Variants in DTNA observed in about 807,000 individuals in gnomAD.
DTNA encodes the protein dystrobrevin alpha, also known as dystrophin-related protein 3.
DTNA carries 43 observed loss-of-function variants against 100.7 expected under a neutral mutation model. That is an observed-to-expected ratio of 0.43 (90% CI 0.33 to 0.55). The LOEUF (loss-of-function observed/expected upper bound fraction) is 0.55. DTNA is among the 20% of genes least tolerant of loss of function. The probability of loss-of-function intolerance (pLI) is 0.04; values close to 1 mark genes in which losing one functional copy is unlikely to be tolerated. For missense variants in DTNA, 798 were observed against 953.9 expected (o/e 0.84, Z 2.15); for synonymous variants, 349 against 347.9 (o/e 1.00, Z -0.04).
Position 34,868,927 on chromosome 18 carries a change from G to A in DTNA, c.1743+4865G>A, listed in dbSNP as rs534779402. ...TGAAGGCAGCTGGGGTATAATTGCAGTACCAATATGTTCCAGAGTTTCTGG... is the reference window on the plus strand; with the variant it reads ...TGAAGGCAGCTGGGGTATAATTGCAATACCAATATGTTCCAGAGTTTCTGG... On this transcript the variant is annotated intron_variant, in intron 17 of 22. Coordinates refer to ENST00000444659, the MANE Select transcript of DTNA (RefSeq NM_001386795.1). 2.2e-5 allele frequency: 6 copies of A among 273,900 alleles called. No individual in the cohort carries two copies. In the South Asian group the frequency reaches 5.6e-4, roughly 26 times the overall value. 17.0% of individuals were successfully genotyped at this position (273,900 alleles called of 1,614,324 possible).
At chr18:34,786,430 C>T (rs1005301139) in intron 3 of DTNA, among the ~76,000 whole-genome samples, 5 of 152,098 alleles carry the variant, frequency 3.3e-5, no homozygotes, top group Non-Finnish European at 7.4e-5. Context: ...AGGAAATTTA[C>T]ATCTAGGGAG....
At chr18:34,610,648 G>T (rs575832014) in intron 1 of DTNA, among the ~76,000 whole-genome samples, 1 of 152,204 alleles carries the variant, frequency 6.6e-6, no homozygotes, top group African/African-American at 2.4e-5. Context: ...TAAGAAAACT[G>T]TGATAAATCC....
chr18:34,620,305 G>T (rs190800708), intron 1 of DTNA, among the ~76,000 whole-genome samples: 1 of 152,088 alleles, frequency 6.6e-6, no homozygotes, highest in East Asian at 1.9e-4. Flanking sequence ...ATTGAAGAAC[G>T]TTTTTTAAAT....
intron 13 of DTNA, among the ~76,000 whole-genome samples, chr18:34,844,222 G>T (rs1171465679): frequency 6.6e-6 from 1 of 152,080 alleles, no homozygotes; most frequent in East Asian, 1.9e-4. Flanking sequence ...GAGTTTAAAG[G>T]TCTCCTTTAA....
chr18:34,612,096 A>G (rs1389566121), intron 1 of DTNA, among the ~76,000 whole-genome samples: 1 of 152,184 alleles, frequency 6.6e-6, no homozygotes, highest in Admixed American at 6.5e-5. Context: ...GCGTGAGCTC[A>G]CCGGCTGGCA....
At chr18:34,530,295 A>G (rs150752820) in intron 1 of DTNA, among the ~76,000 whole-genome samples, 65 of 152,134 alleles carry the variant, frequency 4.3e-4, no homozygotes, top group African/African-American at 1.5e-3. Flanking sequence ...AAAAATGGTA[A>G]ATCTTTTAAA....
intron 10 of DTNA, 122 bp from the exon 11 acceptor site, chr18:34,829,278 C>T (rs918495599): frequency 5.9e-5 from 90 of 1,520,276 alleles, no homozygotes; most frequent in Admixed American, 8.0e-5. Flanking sequence ...GATTGGCCTA[C>T]GGTTTCTGTT....
intron 1 of DTNA, among the ~76,000 whole-genome samples, chr18:34,502,621 A>G (rs1312320096): frequency 6.6e-6 from 1 of 152,116 alleles, no homozygotes; most frequent in East Asian, 1.9e-4. Flanking sequence ...GACCCATTGG[A>G]TATTTAGAAT....
rs1603372759 is a variant in DTNA at position 34,889,713 on chromosome 18, G to A, written c.*1979G>A. 1.0e-6 allele frequency: 1 copy of A among 985,916 alleles called. No individual in the cohort carries two copies. 61.1% of individuals were successfully genotyped at this position (985,916 alleles called of 1,614,324 possible). A position where few individuals can be genotyped will look rare whatever the true frequency, so the allele number is the denominator to read the frequency against. On this transcript the variant is annotated 3_prime_UTR_variant, in exon 23 of 23. Coordinates refer to ENST00000444659, the MANE Select transcript of DTNA (RefSeq NM_001386795.1). ...GATAAAGTGCTCAATTGGCATTAGTGAGAAGCCCATCCTATCCCTTGACAT... is the reference window on the plus strand; with the variant it reads ...GATAAAGTGCTCAATTGGCATTAGTAAGAAGCCCATCCTATCCCTTGACAT...
intron 1 of DTNA, among the ~76,000 whole-genome samples, chr18:34,618,218 T>C (rs1409370906): frequency 6.6e-6 from 1 of 152,156 alleles, no homozygotes; most frequent in Non-Finnish European, 1.5e-5. Context: ...TTTTTACCTT[T>C]AAAATATTCA....
At chr18:34,563,856 G>T (rs377058236) in intron 1 of DTNA, among the ~76,000 whole-genome samples, 12 of 152,132 alleles carry the variant, frequency 7.9e-5, no homozygotes, top group African/African-American at 2.9e-4. Context: ...GTTTCTGCAA[G>T]AACCCCCAAC....
At chr18:34,620,106 C>G (rs1373607084) in intron 1 of DTNA, among the ~76,000 whole-genome samples, 3 of 152,100 alleles carry the variant, frequency 2.0e-5, no homozygotes, top group Non-Finnish European at 4.4e-5. Flanking sequence ...GTTGGCTTCC[C>G]CAATTCAGAG....
intron 1 of DTNA, among the ~76,000 whole-genome samples, chr18:34,571,321 A>G (rs767549058): frequency 4.6e-5 from 7 of 152,194 alleles, no homozygotes; most frequent in Non-Finnish European, 7.4e-5. Flanking sequence ...GCTGAAAACC[A>G]CTATCAGAAA....
At chr18:34,657,812 C>G (rs1283346886) in intron 1 of DTNA, among the ~76,000 whole-genome samples, 2 of 152,178 alleles carry the variant, frequency 1.3e-5, no homozygotes, top group Admixed American at 1.3e-4. Context: ...GAAAAAGAAT[C>G]TGAAGAATTT....
chr18:34,545,701 C>T (rs2044707275), intron 1 of DTNA, among the ~76,000 whole-genome samples: 1 of 152,162 alleles, frequency 6.6e-6, no homozygotes, highest in African/African-American at 2.4e-5. Context: ...ATTCAATCTT[C>T]TGCCCAACTC....
At chr18:34,866,863 G>T (rs2096710597) in intron 17 of DTNA, 1 of 1,053,352 alleles carries the variant, frequency 9.5e-7, no homozygotes, top group Non-Finnish European at 1.1e-6. Flanking sequence ...GAGACGAGAG[G>T]GTCATTACAT....
intron 6 of DTNA, 54 bp from the exon 7 acceptor site, chr18:34,815,855 A>G: frequency 1.5e-6 from 2 of 1,368,978 alleles, no homozygotes; most frequent in Non-Finnish European, 2.1e-6. Context: ...TTTACATAGC[A>G]GGTAAATTGA....
chr18:34,872,766 G>T (rs2096778134), intron 17 of DTNA, among the ~76,000 whole-genome samples: 1 of 152,210 alleles, frequency 6.6e-6, no homozygotes, highest in Non-Finnish European at 1.5e-5. Context: ...ACCACAAGGT[G>T]GTCCTACTGG....
At chr18:34,509,150 G>T (rs2040787693) in intron 1 of DTNA, among the ~76,000 whole-genome samples, 1 of 152,022 alleles carries the variant, frequency 6.6e-6, no homozygotes, top group African/African-American at 2.4e-5. Context: ...TACAATGTTT[G>T]CTCAATAATA....
Sources: gnomAD v4.1 joint callset for allele counts (sites outside exome capture counted in the v4.1 genomes callset) on GRCh38, gnomAD v4.1.1 for gene constraint, MANE v1.5 for transcripts, NCBI Gene and HGNC (gene_info 2026-07-23, HGNC 2026-07-21) for gene names.